Variants in CCDC192 observed in about 807,000 individuals in gnomAD.
The protein encoded by CCDC192 is coiled-coil domain-containing protein 192.
chr5:127,722,673 A>T (rs1752094262), intron 2 of CCDC192, among the ~76,000 whole-genome samples: 1 of 152,156 alleles, frequency 6.6e-6, no homozygotes, highest in African/African-American at 2.4e-5. Context: ...ATTCTTCTCC[A>T]TATGGATATC....
At chr5:127,930,207 TTAAACTAAAC>T (rs36226054) in intron 6 of CCDC192, among the ~76,000 whole-genome samples, 4 of 148,970 alleles carry the variant, frequency 2.7e-5, no homozygotes, top group Non-Finnish European at 4.4e-5. Context: ...TCTTCTCAAA[TTAAACTAAAC>T]TAAACTAAAC....
chr5:127,870,098 A>C (rs1236112690), intron 5 of CCDC192, among the ~76,000 whole-genome samples: 1 of 152,224 alleles, frequency 6.6e-6, no homozygotes, highest in Non-Finnish European at 1.5e-5. Context: ...CATTCGAGGC[A>C]TTTGTAAGAA....
intron 2 of CCDC192, among the ~76,000 whole-genome samples, chr5:127,717,744 G>A (rs906731757): frequency 4.0e-5 from 6 of 151,780 alleles, no homozygotes; most frequent in Non-Finnish European, 8.8e-5. Context: ...GTAGGAGGGG[G>A]AAAATTGTCA....
At chr5:127,827,769 T>C (rs942344924) in intron 5 of CCDC192, among the ~76,000 whole-genome samples, 8 of 152,138 alleles carry the variant, frequency 5.3e-5, no homozygotes, top group Non-Finnish European at 2.9e-5. Flanking sequence ...ACTTGATCAT[T>C]TGGTCAAATG....
chr5:127,938,347 C>T (rs1296731485), intron 6 of CCDC192, among the ~76,000 whole-genome samples: 1 of 152,204 alleles, frequency 6.6e-6, no homozygotes, highest in Non-Finnish European at 1.5e-5. Flanking sequence ...ATTTCCATGA[C>T]TCCATCCTCT....
chr5:127,717,505 T>C (rs1331953019), intron 2 of CCDC192, among the ~76,000 whole-genome samples: 1 of 152,154 alleles, frequency 6.6e-6, no homozygotes, highest in African/African-American at 2.4e-5. Context: ...GGATTTTTTT[T>C]TTGCCTGATA....
At chr5:127,762,261 C>A (rs1754973029) in intron 3 of CCDC192, among the ~76,000 whole-genome samples, 1 of 152,130 alleles carries the variant, frequency 6.6e-6, no homozygotes, top group Admixed American at 6.5e-5. Context: ...CATAAAATCA[C>A]AAGCAGTCTG....
intron 5 of CCDC192, among the ~76,000 whole-genome samples, chr5:127,866,558 A>G (rs1458519832): frequency 6.6e-6 from 1 of 151,096 alleles, no homozygotes; most frequent in African/African-American, 2.4e-5. Flanking sequence ...ATAATACTGT[A>G]AAGTCATGTG....
chr5:127,939,104 C>G (rs1754285518), intron 6 of CCDC192, among the ~76,000 whole-genome samples: 1 of 141,678 alleles, frequency 7.1e-6, no homozygotes. Context: ...GCACTCAAAC[C>G]AACATCTTTT....
At chr5:127,936,490 G>GCCCAATT (rs1490209363) in intron 6 of CCDC192, among the ~76,000 whole-genome samples, 1 of 152,154 alleles carries the variant, frequency 6.6e-6, no homozygotes, top group African/African-American at 2.4e-5. Context: ...TTCTAACCCT[G>GCCCAATT]CCCAATTCCC....
At chr5:127,869,143 T>C (rs1347682607) in intron 5 of CCDC192, among the ~76,000 whole-genome samples, 4 of 151,982 alleles carry the variant, frequency 2.6e-5, no homozygotes, top group African/African-American at 4.8e-5. Context: ...GCCAACATGG[T>C]GAAACCCCAT....
chr5:127,796,058 A>G (rs975749477), intron 3 of CCDC192, among the ~76,000 whole-genome samples: 1 of 152,148 alleles, frequency 6.6e-6, no homozygotes, highest in African/African-American at 2.4e-5. Context: ...GGAGGAGGCA[A>G]CTGAACAAAC....
chr5:127,714,640 G>A (rs1751521331), intron 2 of CCDC192, among the ~76,000 whole-genome samples: 1 of 152,122 alleles, frequency 6.6e-6, no homozygotes, highest in African/African-American at 2.4e-5. Flanking sequence ...AAATTGCTGG[G>A]ATTATAGGCA....
intron 6 of CCDC192, among the ~76,000 whole-genome samples, chr5:127,876,924 C>T (rs562700218): frequency 5.3e-4 from 81 of 152,240 alleles, no homozygotes; most frequent in African/African-American, 1.9e-3. Context: ...AACATAAAGG[C>T]AGTTTGTAAA....
chr5:127,918,714 G>T (rs1235244), intron 6 of CCDC192, among the ~76,000 whole-genome samples: 147,386 of 152,318 alleles, frequency 0.97, 71,365 homozygotes, highest in East Asian at 1. Context: ...AGGGGGCAGT[G>T]AACAGCTTTG....
chr5:127,733,867 T>A (rs922578822), intron 2 of CCDC192, among the ~76,000 whole-genome samples: 1 of 150,234 alleles, frequency 6.7e-6, no homozygotes, highest in African/African-American at 2.4e-5. Context: ...CAGTTTCCAA[T>A]ACATTTTTTA....
chr5:127,711,710 TA>T (rs1751346545), intron 2 of CCDC192, among the ~76,000 whole-genome samples: 1 of 152,206 alleles, frequency 6.6e-6, no homozygotes, highest in Non-Finnish European at 1.5e-5. Context: ...ATAAGTGATT[TA>T]AAGGAGGTAT....
At chr5:127,901,193 A>G (rs1044593725) in intron 6 of CCDC192, among the ~76,000 whole-genome samples, 106 of 152,222 alleles carry the variant, frequency 7.0e-4, no homozygotes, top group Admixed American at 2.8e-3. Context: ...AGTTTATATG[A>G]TGAAATTCAT....
At chr5:127,927,440 C>T (rs1280125398) in intron 6 of CCDC192, among the ~76,000 whole-genome samples, 1 of 151,738 alleles carries the variant, frequency 6.6e-6, no homozygotes, top group African/African-American at 2.4e-5. Flanking sequence ...TGGAACTATC[C>T]CCCGAGAATG....
Sources: gnomAD v4.1 joint callset for allele counts (sites outside exome capture counted in the v4.1 genomes callset) on GRCh38, gnomAD v4.1.1 for gene constraint, MANE v1.5 for transcripts, NCBI Gene and HGNC (gene_info 2026-07-23, HGNC 2026-07-21) for gene names.